The following SEMA6D variants were observed in gnomAD, a reference collection of about 807,000 sequenced individuals.
SEMA6D encodes semaphorin 6D, also known as semaphorin-6D.
In SEMA6D, 35 loss-of-function variants were observed where a neutral mutation model predicts 106.6. That is an observed-to-expected ratio of 0.33 (90% CI 0.25 to 0.44). The LOEUF (loss-of-function observed/expected upper bound fraction) is 0.44, where lower values mean the gene tolerates loss of function less well. Among genes scored for constraint, SEMA6D ranks in the 20% least tolerant of loss-of-function variants. The pLI is 1.00. For missense variants in SEMA6D, 1,185 were observed against 1,345.9 expected, an observed-to-expected ratio of 0.88 and a Z score of 1.87; for synonymous variants, 499 against 487.7, an observed-to-expected ratio of 1.02 and a Z score of -0.31.
intron 3 of SEMA6D, among the ~76,000 whole-genome samples, chr15:47,546,882 T>C (rs1690598393): frequency 6.6e-6 from 1 of 152,066 alleles, no homozygotes; most frequent in East Asian, 1.9e-4. Context: ...GGAATCCAGC[T>C]TGCAACCTTG....
intron 1 of SEMA6D, among the ~76,000 whole-genome samples, chr15:47,729,313 G>A (rs2079967558): frequency 6.6e-6 from 1 of 152,182 alleles, no homozygotes; most frequent in South Asian, 2.1e-4. Context: ...TTTGTACATG[G>A]AGTCGTTCAT....
intron 1 of SEMA6D, among the ~76,000 whole-genome samples, chr15:47,753,458 T>C (rs1359449042): frequency 6.6e-6 from 1 of 152,116 alleles, no homozygotes; most frequent in Non-Finnish European, 1.5e-5. Flanking sequence ...GGCAGAATAA[T>C]GGACATGATT....
chr15:47,449,925 C>T (rs1268020974), intron 2 of SEMA6D, among the ~76,000 whole-genome samples: 1 of 152,068 alleles, frequency 6.6e-6, no homozygotes, highest in Non-Finnish European at 1.5e-5. Context: ...TCCCTGAGTA[C>T]TTATTTTAAA....
At chr15:47,287,999 CAG>C (rs1171150004) in intron 1 of SEMA6D, among the ~76,000 whole-genome samples, 8 of 151,868 alleles carry the variant, frequency 5.3e-5, no homozygotes, top group African/African-American at 1.9e-4. Flanking sequence ...AAGAGAGAGA[CAG>C]AGAGAGAGAG....
intron 1 of SEMA6D, among the ~76,000 whole-genome samples, chr15:47,226,963 T>C (rs1444944893): frequency 6.6e-6 from 1 of 152,068 alleles, no homozygotes; most frequent in African/African-American, 2.4e-5. Flanking sequence ...TTTAACTTGG[T>C]AAACCTATTG....
chr15:47,300,993 G>T (rs1478058321), intron 1 of SEMA6D, among the ~76,000 whole-genome samples: 3 of 152,220 alleles, frequency 2.0e-5, no homozygotes, highest in Non-Finnish European at 4.4e-5. Context: ...CTACTCACTT[G>T]CTTCCTCCAT....
chr15:47,603,868 C>T (rs939661090), intron 4 of SEMA6D: 1 of 152,130 alleles, frequency 6.6e-6, no homozygotes, highest in African/African-American at 2.4e-5. Flanking sequence ...AAGGCTGGCA[C>T]TATGTTGCTT....
chr15:47,728,073 C>G (rs2079877346), intron 1 of SEMA6D, among the ~76,000 whole-genome samples: 1 of 152,170 alleles, frequency 6.6e-6, no homozygotes, highest in Admixed American at 6.5e-5. Flanking sequence ...CTTCTGTGTA[C>G]CGTATGTGTG....
intron 2 of SEMA6D, among the ~76,000 whole-genome samples, chr15:47,470,136 A>G (rs553146590): frequency 6.6e-5 from 10 of 152,338 alleles, no homozygotes; most frequent in South Asian, 6.2e-4. Flanking sequence ...GACTTTTCCC[A>G]TGAACTAATT....
intron 1 of SEMA6D, among the ~76,000 whole-genome samples, chr15:47,255,836 C>A (rs1424810420): frequency 6.6e-6 from 1 of 152,096 alleles, no homozygotes; most frequent in East Asian, 1.9e-4. Flanking sequence ...ACATACATGT[C>A]TGTAATCTAT....
At chr15:47,343,863 A>G (rs1437536226) in intron 1 of SEMA6D, among the ~76,000 whole-genome samples, 2 of 152,198 alleles carry the variant, frequency 1.3e-5, no homozygotes, top group Admixed American at 6.6e-5. Flanking sequence ...AATATCCAGA[A>G]TCTACAATGA....
intron 3 of SEMA6D, among the ~76,000 whole-genome samples, chr15:47,592,409 G>C (rs577280183): frequency 6.6e-6 from 1 of 152,260 alleles, no homozygotes; most frequent in African/African-American, 2.4e-5. Context: ...CAGATTAATT[G>C]TATCTCATCC....
At chr15:47,580,856 ATTTTGTGTTTGCTT>A (rs2076243360) in intron 3 of SEMA6D, among the ~76,000 whole-genome samples, 1 of 152,166 alleles carries the variant, frequency 6.6e-6, no homozygotes, top group Non-Finnish European at 1.5e-5. Context: ...TGTAATGTGA[ATTTTGTGTTTGCTT>A]ATGCATGAGT....
intron 4 of SEMA6D, among the ~76,000 whole-genome samples, chr15:47,612,477 C>G (rs576354553): frequency 6.6e-6 from 1 of 152,278 alleles, no homozygotes; most frequent in Non-Finnish European, 1.5e-5. Flanking sequence ...GTGTAAGAAG[C>G]TCTTATCCAA....
intron 3 of SEMA6D, among the ~76,000 whole-genome samples, chr15:47,573,755 C>G (rs574765902): frequency 1.6e-4 from 25 of 152,346 alleles, no homozygotes; most frequent in African/African-American, 4.8e-4. Flanking sequence ...CTTAGCCTGG[C>G]TTGAAATTTC....
At chr15:47,255,285 A>G (rs967707024) in intron 1 of SEMA6D, among the ~76,000 whole-genome samples, 7 of 151,908 alleles carry the variant, frequency 4.6e-5, no homozygotes, top group African/African-American at 1.7e-4. Flanking sequence ...TGTCAGTTTT[A>G]ATGTTTCCTT....
In SEMA6D at chr15:47,219,163, T is replaced by G. The variant is rs999614899; in HGVS notation, c.-239+34745T>G. The stretch of plus-strand genomic sequence containing the variant: ...AATGACCATCTTATAGAAGAATACC[T>G]TTTTCGTTGTCAAGATTCATTATTG... On this transcript the variant is annotated intron_variant, in intron 1 of 19. Transcript: ENST00000558014. Among the ~76,000 whole-genome samples, 9 of 152,200 alleles carry G rather than the reference T, an allele frequency of 5.9e-5. No individual in the cohort carries two copies. In the South Asian group the frequency reaches 1.4e-3, roughly 25 times the overall value.
At chr15:47,702,303 A>C (rs769502032) in intron 4 of SEMA6D, among the ~76,000 whole-genome samples, 7 of 152,222 alleles carry the variant, frequency 4.6e-5, no homozygotes, top group Non-Finnish European at 1.0e-4. Context: ...AAGAAATGCA[A>C]ATTAAGCAGC....
intron 1 of SEMA6D, among the ~76,000 whole-genome samples, chr15:47,409,895 G>A (rs1272649959): frequency 6.8e-6 from 1 of 146,154 alleles, no homozygotes; most frequent in Non-Finnish European, 1.5e-5. Flanking sequence ...TATTTTCGGG[G>A]TTGTGGGGGG....
Sources: gnomAD v4.1 joint callset for allele counts (sites outside exome capture counted in the v4.1 genomes callset) on GRCh38, gnomAD v4.1.1 for gene constraint, MANE v1.5 for transcripts, NCBI Gene and HGNC (gene_info 2026-07-23, HGNC 2026-07-21) for gene names.